CMSS1: variants seen among roughly 807,000 people sequenced by gnomAD.
The protein encoded by CMSS1 is protein CMSS1.
CMSS1 carries 33 observed loss-of-function variants against 43.5 expected under a neutral mutation model. The observed-to-expected ratio is 0.76, with a 90% CI of 0.57 to 1.01. The LOEUF (loss-of-function observed/expected upper bound fraction) is 1.01, where lower values mean the gene tolerates loss of function less well. Ranked by LOEUF, CMSS1 falls within the 50% of genes least tolerant of loss-of-function variation. CMSS1 has a pLI of 0.00. For synonymous variants in CMSS1, 115 were observed against 117.2 expected, an observed-to-expected ratio of 0.98 and a Z score of 0.12; for missense variants, 313 against 326.4, an observed-to-expected ratio of 0.96 and a Z score of 0.32.
intron 1 of CMSS1, among the ~76,000 whole-genome samples, chr3:99,895,497 C>A (rs2107619438): frequency 6.6e-6 from 1 of 151,776 alleles, no homozygotes; most frequent in South Asian, 2.1e-4. Flanking sequence ...GGCTGATCTC[C>A]TTTTGCAGAA....
At chr3:100,061,969 GACT>G (rs1272766514) in intron 1 of CMSS1, among the ~76,000 whole-genome samples, 3 of 151,810 alleles carry the variant, frequency 2.0e-5, no homozygotes, top group Non-Finnish European at 4.4e-5. Context: ...ATGCAACCAA[GACT>G]ACTACCCATC....
chr3:99,870,177 C>A (rs970536835), intron 1 of CMSS1, among the ~76,000 whole-genome samples: 9 of 152,094 alleles, frequency 5.9e-5, no homozygotes, highest in African/African-American at 2.2e-4. Flanking sequence ...TGACATTGTT[C>A]CCTTTTTGTA....
At chr3:100,134,437 A>G (rs763517645) in intron 1 of CMSS1, among the ~76,000 whole-genome samples, 20 of 152,222 alleles carry the variant, frequency 1.3e-4, no homozygotes, top group Non-Finnish European at 2.6e-4. Flanking sequence ...GGGAGCTGTT[A>G]ACAGGTGTTC....
intron 7 of CMSS1, 193 bp downstream of exon 7, chr3:100,172,092 C>T: frequency 1.6e-6 from 1 of 633,240 alleles, no homozygotes; most frequent in Non-Finnish European, 2.8e-6. Context: ...TCGCTACTGC[C>T]ATGCTCTGTC....
intron 1 of CMSS1, among the ~76,000 whole-genome samples, chr3:99,909,130 C>G (rs982433324): frequency 6.6e-6 from 1 of 152,120 alleles, no homozygotes; most frequent in African/African-American, 2.4e-5. Flanking sequence ...AAGTAGATGG[C>G]TAAAGTGTCA....
intron 2 of CMSS1, among the ~76,000 whole-genome samples, chr3:100,156,299 CTTTT>C (rs34413816): frequency 2.7e-5 from 2 of 73,052 alleles, no homozygotes; most frequent in African/African-American, 1.1e-4. Context: ...AATTTTTTTT[CTTTT>C]TTTTTTTTTT....
At chr3:99,946,961 C>G (rs534153144) in intron 1 of CMSS1, among the ~76,000 whole-genome samples, 1 of 151,954 alleles carries the variant, frequency 6.6e-6, no homozygotes, top group East Asian at 1.9e-4. Context: ...ATGGCAAAAC[C>G]CCGCCTCTAC....
chr3:99,850,516 T>C, intron 1 of CMSS1: 4 of 1,613,210 alleles, frequency 2.5e-6, no homozygotes, highest in African/African-American at 2.7e-5. Context: ...TATGAGCTCT[T>C]CATCTTTCCC....
chr3:100,112,711 A>G (rs746471625), intron 1 of CMSS1, among the ~76,000 whole-genome samples: 4 of 152,200 alleles, frequency 2.6e-5, no homozygotes, highest in Non-Finnish European at 5.9e-5. Context: ...AATTACTGAG[A>G]AAATTCTCAT....
At chr3:100,114,880 G>T in intron 1 of CMSS1, 3 of 1,158,526 alleles carry the variant, frequency 2.6e-6, no homozygotes, top group Non-Finnish European at 1.2e-6. Flanking sequence ...GTAAACATTC[G>T]CTATTATTAA....
chr3:100,116,606 G>A (rs2066571870), intron 1 of CMSS1, among the ~76,000 whole-genome samples: 1 of 152,168 alleles, frequency 6.6e-6, no homozygotes, highest in Admixed American at 6.5e-5. Flanking sequence ...CAGGTAATAG[G>A]CTAGGAAACA....
rs549107074 is a variant in CMSS1 at position 100,167,821 on chromosome 3, C to T, written c.499C>T (p.Arg167Ter). The T allele has an allele frequency of 7.4e-6, 12 of 1,611,932 alleles. No individual in the cohort carries two copies. The highest frequency in any genetic ancestry group is 2.2e-5 in the South Asian group (2 of 90,734). ...GCTGATCATCTGCAGCTCGGCCGTC[C>T]GAGCCCTGGAGCTCATTAGGTTGGA... ...LMLIICSSAVRALELIRSMTA... is the reference protein window; with the variant it reads ...LMLIICSSAV The change falls in exon 6 of 10, where the codon CGA becomes TGA. Residue 167 changes from arginine to a stop codon, truncating the protein, a stop_gained. Coordinates refer to ENST00000421999, the MANE Select transcript of CMSS1 (RefSeq NM_032359.4). LOFTEE classifies it high-confidence loss of function.
chr3:99,993,567 G>A (rs1709586719), intron 1 of CMSS1, among the ~76,000 whole-genome samples: 1 of 152,084 alleles, frequency 6.6e-6, no homozygotes, highest in South Asian at 2.1e-4. Flanking sequence ...TTCTTAGAGG[G>A]AATGCTTTTA....
intron 1 of CMSS1, among the ~76,000 whole-genome samples, chr3:100,110,410 T>G (rs969921264): frequency 6.6e-6 from 1 of 152,118 alleles, no homozygotes; most frequent in African/African-American, 2.4e-5. Flanking sequence ...TTATCCCGTT[T>G]GCTATCCTCC....
intron 1 of CMSS1, among the ~76,000 whole-genome samples, chr3:99,922,642 TG>T (rs1707160575): frequency 6.6e-6 from 1 of 152,260 alleles, no homozygotes; most frequent in African/African-American, 2.4e-5. Context: ...ATAAGCCATT[TG>T]AGATTGGTTA....
chr3:100,069,685 G>A (rs369151061), intron 1 of CMSS1, among the ~76,000 whole-genome samples: 14 of 152,238 alleles, frequency 9.2e-5, no homozygotes, highest in African/African-American at 2.2e-4. Context: ...AGGAAATGTC[G>A]TCATGGTCTG....
intron 1 of CMSS1, among the ~76,000 whole-genome samples, chr3:100,086,083 G>T (rs1316346848): frequency 6.6e-6 from 1 of 152,164 alleles, no homozygotes; most frequent in Non-Finnish European, 1.5e-5. Flanking sequence ...GTTTCCTCCA[G>T]GTAATAAAAT....
At chr3:99,843,609 CACCTA>C (rs1305641188) in intron 1 of CMSS1, among the ~76,000 whole-genome samples, 2 of 152,156 alleles carry the variant, frequency 1.3e-5, no homozygotes, top group Non-Finnish European at 2.9e-5. Flanking sequence ...ATGTTTAATA[CACCTA>C]ACCTACTGAA....
intron 2 of CMSS1, among the ~76,000 whole-genome samples, chr3:100,157,897 G>A (rs113582939): frequency 1.3e-5 from 2 of 152,082 alleles, no homozygotes; most frequent in African/African-American, 4.8e-5. Context: ...TTTACTCTCT[G>A]TAGTACTTTG....
Sources: allele counts gnomAD v4.1 joint callset (sites outside exome capture counted in the v4.1 genomes callset), GRCh38; gene constraint gnomAD v4.1.1; transcripts MANE v1.5; gene names NCBI Gene and HGNC (gene_info 2026-07-23, HGNC 2026-07-21).